CADPS: variants seen among roughly 807,000 people sequenced by gnomAD.
CADPS encodes calcium-dependent secretion activator 1.
In CADPS, 57 loss-of-function variants were observed where a neutral mutation model predicts 167.3. The ratio of observed to expected loss-of-function variants is 0.34; its 90% confidence interval spans 0.28 to 0.42. CADPS has a LOEUF of 0.42. Among genes scored for constraint, CADPS ranks in the 20% least tolerant of loss-of-function variants. The pLI is 1.00. For synonymous variants in CADPS, 676 were observed against 635.3 expected, an observed-to-expected ratio of 1.06 and a Z score of -0.96; for missense variants, 1,414 against 1,738.1, an observed-to-expected ratio of 0.81 and a Z score of 3.32.
At chr3:62,408,124 C>G (rs956336487) in intron 28 of CADPS, among the ~76,000 whole-genome samples, 38 of 152,146 alleles carry the variant, frequency 2.5e-4, no homozygotes, top group Non-Finnish European at 5.0e-4. Flanking sequence ...TGCAGATACA[C>G]TTGGGTCACC....
chr3:62,498,523 A>G (rs939895823), intron 18 of CADPS, among the ~76,000 whole-genome samples: 1 of 152,150 alleles, frequency 6.6e-6, no homozygotes, highest in African/African-American at 2.4e-5. Flanking sequence ...TTAAGTCCTT[A>G]TAGGTTTGGG....
At chr3:62,545,215 A>G (rs912406086) in intron 11 of CADPS, among the ~76,000 whole-genome samples, 1 of 152,122 alleles carries the variant, frequency 6.6e-6, no homozygotes, top group Non-Finnish European at 1.5e-5. Flanking sequence ...ATCAAATGTC[A>G]AAGCTTAAAA....
chr3:62,870,388 G>A (rs79607839), intron 1 of CADPS, among the ~76,000 whole-genome samples: 25 of 152,080 alleles, frequency 1.6e-4, no homozygotes, highest in African/African-American at 3.9e-4. Flanking sequence ...ACATACTTGC[G>A]CTCTCTCTCA....
intron 17 of CADPS, among the ~76,000 whole-genome samples, chr3:62,511,690 G>C (rs1248270101): frequency 6.6e-6 from 1 of 151,952 alleles, no homozygotes; most frequent in Non-Finnish European, 1.5e-5. Context: ...ATCTCGTGAA[G>C]ACTTCCATGG....
chr3:62,721,289 C>T (rs74398947), intron 3 of CADPS, among the ~76,000 whole-genome samples: 13,255 of 151,858 alleles, frequency 0.087, 696 homozygotes, highest in South Asian at 0.15. Flanking sequence ...GTGAGAAAAC[C>T]GCCAGGACCC....
intron 3 of CADPS, among the ~76,000 whole-genome samples, chr3:62,679,682 C>G (rs1348159966): frequency 1.3e-5 from 2 of 152,062 alleles, no homozygotes; most frequent in Non-Finnish European, 2.9e-5. Context: ...CCCGTCAGCA[C>G]TGCCCAAGAC....
intron 21 of CADPS, among the ~76,000 whole-genome samples, chr3:62,488,462 T>A (rs2063165958): frequency 6.6e-6 from 1 of 151,078 alleles, no homozygotes; most frequent in African/African-American, 2.5e-5. Context: ...TAGTTAGCAC[T>A]GTTTTTATTA....
chr3:62,854,252 A>C (rs1042833635), intron 1 of CADPS, among the ~76,000 whole-genome samples: 1 of 152,198 alleles, frequency 6.6e-6, no homozygotes, highest in Admixed American at 6.5e-5. Flanking sequence ...GACTAAAATT[A>C]TGAACCTCCC....
chr3:62,468,676 C>T (rs897395815), intron 24 of CADPS, among the ~76,000 whole-genome samples: 21 of 152,184 alleles, frequency 1.4e-4, no homozygotes, highest in Non-Finnish European at 2.4e-4. Flanking sequence ...TGCCAAACTT[C>T]GCCTTAATTT....
intron 3 of CADPS, among the ~76,000 whole-genome samples, chr3:62,713,937 A>C (rs550141237): frequency 4.6e-5 from 7 of 152,206 alleles, no homozygotes; most frequent in South Asian, 2.1e-4. Context: ...TCTGAACCTC[A>C]TATGCAGCTT....
chr3:62,762,271 G>A (rs1010266393), intron 2 of CADPS, among the ~76,000 whole-genome samples: 1 of 152,134 alleles, frequency 6.6e-6, no homozygotes, highest in Non-Finnish European at 1.5e-5. Flanking sequence ...ACAATAAAAA[G>A]TAATATAAAT....
At chr3:62,788,299 T>C (rs984546957) in intron 1 of CADPS, among the ~76,000 whole-genome samples, 1 of 152,152 alleles carries the variant, frequency 6.6e-6, no homozygotes, top group African/African-American at 2.4e-5. Context: ...ACCATACGTA[T>C]TGTTACTTCA....
intron 1 of CADPS, among the ~76,000 whole-genome samples, chr3:62,859,863 T>C (rs2080442325): frequency 6.6e-6 from 1 of 152,178 alleles, no homozygotes; most frequent in African/African-American, 2.4e-5. Flanking sequence ...AACACATCAC[T>C]TCAAGACAAG....
intron 1 of CADPS, among the ~76,000 whole-genome samples, chr3:62,834,769 T>A (rs1415605137): frequency 6.6e-6 from 1 of 152,166 alleles, no homozygotes; most frequent in Non-Finnish European, 1.5e-5. Context: ...CCTGGAGGCA[T>A]CAAAATTGTA....
At chr3:62,866,337 T>C (rs2081672255) in intron 1 of CADPS, among the ~76,000 whole-genome samples, 3 of 152,062 alleles carry the variant, frequency 2.0e-5, no homozygotes, top group Admixed American at 1.3e-4. Flanking sequence ...TTTTAGACTA[T>C]TTCCTCTCTT....
At chr3:62,783,042 G>A (rs2091932847) in intron 1 of CADPS, among the ~76,000 whole-genome samples, 1 of 152,164 alleles carries the variant, frequency 6.6e-6, no homozygotes, top group South Asian at 2.1e-4. Context: ...TTACAGGCGT[G>A]AGCCATTGCA....
At chr3:62,413,539 GTA>G (rs1412644627) in intron 28 of CADPS, among the ~76,000 whole-genome samples, 1 of 152,196 alleles carries the variant, frequency 6.6e-6, no homozygotes, top group Non-Finnish European at 1.5e-5. Flanking sequence ...GATAAAAACT[GTA>G]TGATTCCACT....
intron 3 of CADPS, among the ~76,000 whole-genome samples, chr3:62,707,429 T>C (rs1372859464): frequency 6.6e-6 from 1 of 152,104 alleles, no homozygotes; most frequent in Non-Finnish European, 1.5e-5. Flanking sequence ...TAGGACTACA[T>C]CACCATTATA....
Position 62,582,661 on chromosome 3 carries a change from G to A in CADPS, c.1577+2524C>T, listed in dbSNP as rs2083667815. ...TTTAGGCCACGTTGGGTCCGATGGT[G>A]TTATTAAGGCACTCACCGTTCACTT... On this transcript the variant is annotated intron_variant, in intron 8 of 29. Transcript: ENST00000383710. 2.0e-5 allele frequency among the ~76,000 whole-genome samples: 3 copies of A among 152,160 alleles called. 1 individual carries two copies. Among genetic ancestry groups the A allele is most frequent in the Admixed American group, 2.0e-4 (3 of 15,288 alleles).
Sources: allele counts gnomAD v4.1 joint callset (sites outside exome capture counted in the v4.1 genomes callset), GRCh38; gene constraint gnomAD v4.1.1; transcripts MANE v1.5; gene names NCBI Gene and HGNC (gene_info 2026-07-23, HGNC 2026-07-21).